PDE4D: variants seen among roughly 807,000 people sequenced by gnomAD.
The protein encoded by PDE4D is 3',5'-cyclic-AMP phosphodiesterase 4D.
PDE4D carries 24 observed loss-of-function variants against 87.4 expected under a neutral mutation model. The observed-to-expected ratio is 0.27, with a 90% CI of 0.20 to 0.39. PDE4D has a LOEUF of 0.39. Among genes scored for constraint, PDE4D ranks in the 10% least tolerant of loss-of-function variants. PDE4D has a pLI of 1.00. For synonymous variants in PDE4D, 384 were observed against 383.2 expected (o/e 1.00, Z -0.02); for missense variants, 714 against 1,041.0 (o/e 0.69, Z 4.32).
chr5:59,540,834 A>C (rs1468651445), intron 1 of PDE4D, among the ~76,000 whole-genome samples: 1 of 152,216 alleles, frequency 6.6e-6, no homozygotes, highest in African/African-American at 2.4e-5. Flanking sequence ...CTTTGCTCCA[A>C]AGACATTCCA....
At chr5:59,656,151 T>G (rs1322458351) in intron 1 of PDE4D, among the ~76,000 whole-genome samples, 1 of 151,752 alleles carries the variant, frequency 6.6e-6, no homozygotes, top group Non-Finnish European at 1.5e-5. Context: ...GACACACACA[T>G]CCCACATACA....
chr5:59,910,272 GCATACCTAT>G (rs1482568254), intron 3 of PDE4D, among the ~76,000 whole-genome samples: 2 of 152,006 alleles, frequency 1.3e-5, no homozygotes, highest in African/African-American at 2.4e-5. Flanking sequence ...TATTCTCCTA[GCATACCTAT>G]AGACAATGAA....
chr5:59,767,327 C>T (rs113976505), intron 1 of PDE4D, among the ~76,000 whole-genome samples: 116 of 152,236 alleles, frequency 7.6e-4, no homozygotes, highest in African/African-American at 2.7e-3. Context: ...ATAGAACCTA[C>T]TACTACCTGA....
intron 1 of PDE4D, among the ~76,000 whole-genome samples, chr5:59,293,701 T>C (rs995814698): frequency 2.6e-5 from 4 of 152,180 alleles, no homozygotes; most frequent in Non-Finnish European, 5.9e-5. Flanking sequence ...ACTATAATAA[T>C]AACAAGGCCT....
At chr5:59,623,337 C>G in intron 1 of PDE4D, among the ~76,000 whole-genome samples, 1 of 152,138 alleles carries the variant, frequency 6.6e-6, no homozygotes, top group South Asian at 2.1e-4. Flanking sequence ...CATCTTACAC[C>G]TAGGCCAAAC....
intron 1 of PDE4D, among the ~76,000 whole-genome samples, chr5:60,337,303 A>C (rs1213918391): frequency 6.8e-6 from 1 of 147,658 alleles, no homozygotes; most frequent in Non-Finnish European, 1.5e-5. Flanking sequence ...GCTGCACTCA[A>C]GCCTGGGCAA....
intron 5 of PDE4D, among the ~76,000 whole-genome samples, chr5:59,050,672 T>C (rs972989164): frequency 5.9e-5 from 9 of 152,168 alleles, no homozygotes; most frequent in African/African-American, 2.2e-4. Context: ...TCATGGGAAA[T>C]AGTGTGATAG....
At chr5:59,459,034 A>G (rs1209504079) in intron 1 of PDE4D, among the ~76,000 whole-genome samples, 1 of 152,212 alleles carries the variant, frequency 6.6e-6, no homozygotes, top group Non-Finnish European at 1.5e-5. Flanking sequence ...TATAATGAAT[A>G]TTCGATGATT....
chr5:60,364,856 C>T (rs61502229), intron 1 of PDE4D, among the ~76,000 whole-genome samples: 5,840 of 152,284 alleles, frequency 0.038, 350 homozygotes, highest in African/African-American at 0.13. Flanking sequence ...TCCCAAGAAG[C>T]AGAAATGTAA....
chr5:59,788,828 T>G (rs1240184736), intron 1 of PDE4D, among the ~76,000 whole-genome samples: 1 of 152,216 alleles, frequency 6.6e-6, no homozygotes, highest in Non-Finnish European at 1.5e-5. Flanking sequence ...TGGCAAAATT[T>G]AAAGATTCCC....
chr5:59,151,627 G>A (rs1331930334), intron 5 of PDE4D, among the ~76,000 whole-genome samples: 1 of 152,164 alleles, frequency 6.6e-6, no homozygotes, highest in African/African-American at 2.4e-5. Context: ...TATGGCAGCA[G>A]AGTGACACAC....
At chr5:60,115,876 A>G (rs1387573823) in intron 2 of PDE4D, among the ~76,000 whole-genome samples, 1 of 152,100 alleles carries the variant, frequency 6.6e-6, no homozygotes, top group Non-Finnish European at 1.5e-5. Context: ...TGATTCAGTA[A>G]CTGAATCACA....
chr5:59,188,798 A>T (rs193133795), intron 3 of PDE4D, among the ~76,000 whole-genome samples: 144 of 152,346 alleles, frequency 9.5e-4, no homozygotes, highest in African/African-American at 3.3e-3. Context: ...TTTCCAGGTT[A>T]TGTTTTGTTT....
At chr5:59,634,128 A>G (rs1048174344) in intron 1 of PDE4D, among the ~76,000 whole-genome samples, 2 of 152,226 alleles carry the variant, frequency 1.3e-5, no homozygotes, top group Non-Finnish European at 2.9e-5. Context: ...AAAGACAGAA[A>G]AAGACAAAGA....
At chr5:59,764,651 CTTTT>C (rs1177876033) in intron 1 of PDE4D, among the ~76,000 whole-genome samples, 2 of 123,358 alleles carry the variant, frequency 1.6e-5, no homozygotes, top group African/African-American at 7.1e-5. Flanking sequence ...AGAGAAGTCC[CTTTT>C]TTTTTTTTTT....
intron 2 of PDE4D, among the ~76,000 whole-genome samples, chr5:60,040,749 A>C (rs1768382014): frequency 6.6e-6 from 1 of 152,202 alleles, no homozygotes; most frequent in Non-Finnish European, 1.5e-5. Context: ...GCCTCTGTCC[A>C]TTCCCTAAGT....
At chr5:60,233,248 G>T (rs1290617869) in intron 1 of PDE4D, among the ~76,000 whole-genome samples, 1 of 151,044 alleles carries the variant, frequency 6.6e-6, no homozygotes, top group African/African-American at 2.4e-5. Flanking sequence ...ATCCATTCTT[G>T]TCATTCATTC....
intron 5 of PDE4D, among the ~76,000 whole-genome samples, chr5:59,125,035 C>T (rs957736521): frequency 8.6e-5 from 13 of 151,482 alleles, no homozygotes; most frequent in South Asian, 4.2e-4. Context: ...ACATGAAGAA[C>T]GAAGCAAGTT....
At chr5:60,104,042 C>T (rs758651942) in intron 2 of PDE4D, among the ~76,000 whole-genome samples, 2 of 151,406 alleles carry the variant, frequency 1.3e-5, no homozygotes, top group East Asian at 1.9e-4. Flanking sequence ...GTGTGCGAGC[C>T]GAAGCAGGGC....
Sources: gnomAD v4.1 joint callset for allele counts (sites outside exome capture counted in the v4.1 genomes callset) on GRCh38, gnomAD v4.1.1 for gene constraint, MANE v1.5 for transcripts, NCBI Gene and HGNC (gene_info 2026-07-23, HGNC 2026-07-21) for gene names.